Variants in FBXO41 observed in about 807,000 individuals in gnomAD.
FBXO41 encodes F-box only protein 41.
Under a neutral mutation model 81.6 loss-of-function variants are expected in FBXO41, and 33 were observed. That is an observed-to-expected ratio of 0.40 (90% CI 0.31 to 0.54). The LOEUF is 0.54. FBXO41 is among the 20% of genes least tolerant of loss of function. The pLI is 0.39. For synonymous variants in FBXO41, 576 were observed against 552.7 expected (o/e 1.04, Z -0.59); for missense variants, 1,107 against 1,236.0 (o/e 0.90, Z 1.56).
In FBXO41 at chr2:73,269,717, C is replaced by G; in HGVS notation, c.-87G>C. ...CGCTCATGGGGGACCGCGGGCGAGG[C>G]CCCCTGCGGGGTCAGGAAGGCTCAG... On this transcript the variant is annotated 5_prime_UTR_variant, in exon 2 of 13. Transcript: ENST00000520530. This position sits in a 1 kb window ranked among gnomAD's most constrained non-coding sequence, Gnocchi z 7.0. 1 of 1,002,742 alleles carries G rather than the reference C, an allele frequency of 1.0e-6. No homozygotes were observed. Among genetic ancestry groups the G allele is most frequent in the Non-Finnish European group, 1.2e-6 (1 of 816,950 alleles). 62.1% of individuals were successfully genotyped at this position (1,002,742 alleles called of 1,614,324 possible).
chr2:73,264,856 CAG>C (rs1688175370), intron 5 of FBXO41, among the ~76,000 whole-genome samples: 1 of 152,036 alleles, frequency 6.6e-6, no homozygotes, highest in African/African-American at 2.4e-5. Context: ...CCTCTGGAAA[CAG>C]AAGGCAGGCA....
Position 73,269,654 on chromosome 2 carries a change from C to T in FBXO41, c.-24G>A. 9 of 1,159,260 alleles carry T rather than the reference C, an allele frequency of 7.8e-6. No individual in the cohort carries two copies. The highest frequency in any genetic ancestry group is 9.5e-6 in the Non-Finnish European group (9 of 944,286). 71.8% of individuals were successfully genotyped at this position (1,159,260 alleles called of 1,614,324 possible). A position where few individuals can be genotyped will look rare whatever the true frequency, so the allele number is the denominator to read the frequency against. On this transcript the variant is annotated 5_prime_UTR_variant, in exon 2 of 13. Coordinates refer to ENST00000520530, the MANE Select transcript of FBXO41 (RefSeq NM_001371389.2). The surrounding 1 kb of genome is among the most constrained non-coding windows in gnomAD (Gnocchi z 7.0). ...ATGGCCCCGCCGCCCCCGCGGCACGCGGGCTCCACCGCGGCCGCCCCGCCG... is the reference window on the plus strand; with the variant it reads ...ATGGCCCCGCCGCCCCCGCGGCACGTGGGCTCCACCGCGGCCGCCCCGCCG...
chr2:73,271,806 T>C (rs1021903834), intron 1 of FBXO41, among the ~76,000 whole-genome samples: 17 of 152,146 alleles, frequency 1.1e-4, no homozygotes, highest in Non-Finnish European at 2.1e-4. Flanking sequence ...AATTGTTGTA[T>C]TTTTAGTAGA....
intron 1 of FBXO41, among the ~76,000 whole-genome samples, chr2:73,279,045 C>T (rs1014428466): frequency 4.6e-5 from 7 of 152,122 alleles, no homozygotes; most frequent in Non-Finnish European, 8.8e-5. Context: ...GTTGTTGGAA[C>T]ACCGGAAGTG....
At chr2:73,279,954 G>A (rs1688799605) in intron 1 of FBXO41, among the ~76,000 whole-genome samples, 1 of 152,096 alleles carries the variant, frequency 6.6e-6, no homozygotes, top group Non-Finnish European at 1.5e-5. Flanking sequence ...GACAGGGAGA[G>A]GATGAAAAGG....
Position 73,265,449 on chromosome 2 carries a change from G to A in FBXO41, c.1397C>T (p.Ala466Val), listed in dbSNP as rs1486948491. 2 of 1,606,538 alleles carry A rather than the reference G, an allele frequency of 1.2e-6. No individual in the cohort carries two copies. Among genetic ancestry groups the A allele is most frequent in the Admixed American group, 1.7e-5 (1 of 59,826 alleles). ...GGGTCTGCGCTGCCAGTTCTGGATG[G>A]CCTGGCGCCGCAGGCCTGAGCTGCG... ...PPRSSGLRRQAIQNWQRRPRR... is the reference protein window; with the variant it reads ...PPRSSGLRRQVIQNWQRRPRR... Residue 466 changes from alanine to valine, a missense_variant, in exon 5 of 13, where the codon GCC becomes GTC. By Grantham distance (64) the Ala-to-Val change is moderately conservative. Transcript: ENST00000520530.
At chr2:73,270,668 C>T (rs974168043) in intron 1 of FBXO41, among the ~76,000 whole-genome samples, 9 of 152,046 alleles carry the variant, frequency 5.9e-5, no homozygotes, top group Non-Finnish European at 1.2e-4. Context: ...GCTTTATTAT[C>T]CATCCTCCCC....
At position 73,266,477 on chromosome 2, in the gene FBXO41, C is replaced by T; in HGVS notation, c.1111G>A (p.Ala371Thr). 6.5e-7 allele frequency: 1 copy of T among 1,538,420 alleles called. No homozygotes were observed. The highest frequency in any genetic ancestry group is 8.8e-7 in the Non-Finnish European group (1 of 1,137,776). ...CTCACCATTCTGCCTGGGCCCCGGG[C>T]ATTGGGTCCAGCACCACCGCCCCCA... ...GGGGGGAGPN[A>T]RGPGRMREHH... Residue 371 changes from alanine (A) to threonine (T), a missense_variant, in exon 3 of 13, where the codon GCC (alanine) becomes ACC (threonine). Coordinates refer to ENST00000520530, the MANE Select transcript of FBXO41 (RefSeq NM_001371389.2). The surrounding 1 kb of genome is among the most constrained non-coding windows in gnomAD (Gnocchi z 5.3).
At chr2:73,267,214 C>T (rs1688306665) in intron 2 of FBXO41, among the ~76,000 whole-genome samples, 1 of 152,232 alleles carries the variant, frequency 6.6e-6, no homozygotes, top group South Asian at 2.1e-4. Context: ...GGCACAGCCT[C>T]ACACATTCAT....
chr2:73,279,439 CAGAG>C (rs1688787142), intron 1 of FBXO41, among the ~76,000 whole-genome samples: 2 of 151,984 alleles, frequency 1.3e-5, no homozygotes, highest in Non-Finnish European at 2.9e-5. Flanking sequence ...GGAGAGGGCT[CAGAG>C]AGAGGGGAGC....
chr2:73,258,383 CA>C lies in FBXO41; in HGVS notation c.*598del, dbSNP rs900485694. On this transcript the variant is annotated 3_prime_UTR_variant, in exon 13 of 13. Transcript: ENST00000520530. ...CTTTCCAAACCCACCCCCACTACCC[CA>C]CTGTACTGCTGCCCCCAGCTTTTGG... is the stretch of plus-strand genomic sequence containing the variant. 1.0e-4 allele frequency: 16 copies of C among 152,502 alleles called. No individual in the cohort carries two copies. Among genetic ancestry groups the C allele is most frequent in the Admixed American group, 4.6e-4 (7 of 15,310 alleles). The allele number at this position is 152,502 out of a possible 1,614,324, so 9.4% of individuals were successfully genotyped here. A position where few individuals can be genotyped will look rare whatever the true frequency, so the allele number is the denominator to read the frequency against.
Position 73,266,833 on chromosome 2 carries a change from A to G in FBXO41, c.906-151T>C. The G allele has an allele frequency of 8.0e-7, 1 of 1,255,544 alleles. No individual in the cohort carries two copies. Among genetic ancestry groups the G allele is most frequent in the Non-Finnish European group, 1.0e-6 (1 of 963,442 alleles). The allele number at this position is 1,255,544 out of a possible 1,614,324, so 77.8% of individuals were successfully genotyped here. ...TGGGTTCCTGCAGAACAGGCCTAGC[A>G]CACAGCCCCGCACGATGACACATAC... On this transcript the variant is annotated intron_variant, in intron 2 of 12. Transcript: ENST00000520530. This position sits in a 1 kb window ranked among gnomAD's most constrained non-coding sequence, Gnocchi z 5.3.
Position 73,263,767 on chromosome 2 carries a change from C to G in FBXO41, c.1986G>C (p.Leu662=). ...GGATGTTTGGACAGTGGGAGATGCGCAGGATCAGCAGGTTCCCCCCAGCTG... is the reference window on the plus strand; with the variant it reads ...GGATGTTTGGACAGTGGGAGATGCGGAGGATCAGCAGGTTCCCCCCAGCTG... ...LKAAGGNLLI[L]RISHCPNILT... Residue 662 remains leucine, a synonymous_variant, in exon 8 of 13, where the codon CTG becomes CTC. Transcript: ENST00000520530. 6.2e-7 allele frequency: 1 copy of G among 1,614,026 alleles called. No homozygotes were observed.
At chr2:73,263,182 C>T (rs771856434) in intron 9 of FBXO41, 31 bp downstream of exon 9, 38 of 1,538,594 alleles carry the variant, frequency 2.5e-5, no homozygotes, top group Non-Finnish European at 3.3e-5. Context: ...CCGTGTCCCC[C>T]CTCCTATCCC....
At chr2:73,280,045 T>G (rs1175091152) in intron 1 of FBXO41, among the ~76,000 whole-genome samples, 4 of 152,032 alleles carry the variant, frequency 2.6e-5, no homozygotes, top group African/African-American at 9.7e-5. Flanking sequence ...CCTTCAAACA[T>G]TCTTTCTCAT....
Position 73,264,470 on chromosome 2 carries a change from G to C in FBXO41, c.1614C>G (p.Ser538Arg). The change falls in exon 6 of 13, where the codon AGC becomes AGG. Residue 538 changes from serine (S) to arginine (R), a missense_variant. Around this residue, in one of 2 missense-constraint regions of FBXO41, gnomAD observed 771 missense variants for 789.2 expected, o/e 0.98. Transcript: ENST00000520530. ...SGRGRRAERV[S>R]PSRSNEVISP... ...TGATGACCTCATTGGAGCGTGAGGG[G>C]CTGACCCTCTCTGCTCGCCGACCCC... 1.9e-6 allele frequency: 3 copies of C among 1,613,900 alleles called. No individual in the cohort carries two copies. The highest frequency in any genetic ancestry group is 2.5e-6 in the Non-Finnish European group (3 of 1,179,888).
At chr2:73,264,592 G>A in intron 5 of FBXO41, 73 bp from the exon 6 acceptor site, 1 of 1,585,050 alleles carries the variant, frequency 6.3e-7, no homozygotes, top group Non-Finnish European at 8.6e-7. Context: ...TGGGGAGCTG[G>A]GGCAGGGTAG....
Position 73,276,560 on chromosome 2 carries a change from C to CAGAGAGAGAGAG in FBXO41, c.-138-6804_-138-6793dup, listed in dbSNP as rs533998261. Among the ~76,000 whole-genome samples, 405 of 106,320 alleles carry CAGAGAGAGAGAG rather than the reference C, an allele frequency of 3.8e-3. 1 individual carries two copies. Among genetic ancestry groups the CAGAGAGAGAGAG allele is most frequent in the East Asian group, 5.6e-3 (22 of 3,958 alleles). The allele number at this position is 106,320 out of a possible 152,430, so 69.8% of individuals were successfully genotyped here. On this transcript the variant is annotated intron_variant, in intron 1 of 12. Transcript: ENST00000520530. ...TAAACAGCTCTCTGGCAAATCTATT[C>CAGAGAGAGAGAG]AGAGAGAGAGAGAGAGAGAGAGAGA... is the stretch of plus-strand genomic sequence containing the variant.
In FBXO41 at chr2:73,259,124, GC is replaced by G; in HGVS notation, c.2565+56del. 6.2e-7 allele frequency: 1 copy of G among 1,610,524 alleles called. No individual in the cohort carries two copies. The highest frequency in any genetic ancestry group is 8.5e-7 in the Non-Finnish European group (1 of 1,177,168). On this transcript the variant is annotated intron_variant, in intron 12 of 12. Transcript: ENST00000520530. The surrounding 1 kb of genome is among the most constrained non-coding windows in gnomAD (Gnocchi z 4.2). ...CCTGCCACACTCACCCAGGTCACCA[GC>G]CCCAGTCTAGGGATGCCACTTGGGG...
Sources: allele counts gnomAD v4.1 joint callset (sites outside exome capture counted in the v4.1 genomes callset), GRCh38; gene constraint gnomAD v4.1.1; regional missense constraint gnomAD v4.1.1; non-coding constraint Gnocchi (gnomAD v3.1); transcripts MANE v1.5; gene names NCBI Gene and HGNC (gene_info 2026-07-23, HGNC 2026-07-21).